FAHD2B: variants seen among roughly 807,000 people sequenced by gnomAD.
The protein encoded by FAHD2B is oxaloacetate tautomerase FAHD2B, mitochondrial.
A neutral mutation model predicts 33.7 loss-of-function variants in FAHD2B; 26 were observed. The observed-to-expected ratio is 0.77, with a 90% confidence interval of 0.57 to 1.07. The LOEUF is 1.07. Ranked by LOEUF, FAHD2B falls within the 50% of genes least tolerant of loss-of-function variation. The pLI is 0.00. For synonymous variants in FAHD2B, 108 were observed against 150.9 expected, an observed-to-expected ratio of 0.72 and a Z score of 2.08; for missense variants, 272 against 388.1, an observed-to-expected ratio of 0.70 and a Z score of 2.51.
Position 97,091,857 on chromosome 2 carries a change from T to C in FAHD2B, c.-7+6A>G. 8.2e-7 allele frequency: 1 copy of C among 1,214,372 alleles called. No individual in the cohort carries two copies. The highest frequency in any genetic ancestry group is 2.5e-5 in the East Asian group (1 of 40,478). 75.2% of individuals were successfully genotyped at this position (1,214,372 alleles called of 1,614,324 possible). ...ACACGGGAAGCGGTCCAGGCTTGTA[T>C]TTTACCTGCTATACTTCATAAGGTG... is the stretch of plus-strand genomic sequence containing the variant. On this transcript the variant is annotated splice_donor_region_variant and intron_variant, in intron 2 of 8. Coordinates refer to ENST00000414820, the MANE Select transcript of FAHD2B (RefSeq NM_001320848.2).
At chr2:97,079,459 A>G (rs537511992), downstream of FAHD2B, among the ~76,000 whole-genome samples, 1 of 152,018 alleles carries the variant, frequency 6.6e-6, no homozygotes, top group East Asian at 1.9e-4. Flanking sequence ...TTTAATAATC[A>G]CCATTCTGAC....
At chr2:97,083,485 ATGTG>A (rs201541688), downstream of FAHD2B, 6,677 of 984,176 alleles carry the variant, frequency 6.8e-3, 316 homozygotes, top group East Asian at 0.12. Flanking sequence ...TTTTTGGCGT[ATGTG>A]TGTGTATTTG....
At position 97,083,977 on chromosome 2, in the gene FAHD2B, C is replaced by T; in HGVS notation, c.853G>A (p.Val285Ile). The change falls in exon 8 of 9, where the codon GTA becomes ATA. Residue 285 changes from valine (V) to isoleucine (I), a missense_variant. Transcript: ENST00000414820. ...AGAAAGACAGGAGGTTTCCTGAATA[C>T]ACCGACACCTGGGGGGGTCCCAGTT... is the stretch of plus-strand genomic sequence containing the variant. ...ILTGTPPGVG[V>I]FRKPPVFLKK... 1 of 1,613,844 alleles carries T rather than the reference C, an allele frequency of 6.2e-7. No homozygotes were observed. Among genetic ancestry groups the T allele is most frequent in the Non-Finnish European group, 8.5e-7 (1 of 1,179,968 alleles).
chr2:97,078,937 C>T (rs1030061051), downstream of FAHD2B, among the ~76,000 whole-genome samples: 14 of 151,886 alleles, frequency 9.2e-5, no homozygotes, highest in Non-Finnish European at 1.6e-4. Context: ...CTGGTAGGCC[C>T]CAGTGTGCAT....
chr2:97,081,195 C>T (rs367829946), downstream of FAHD2B: 947 of 1,489,680 alleles, frequency 6.4e-4, 10 homozygotes, highest in East Asian at 0.014. Context: ...ATGAGCTGTA[C>T]CGCCAGATCC....
chr2:97,079,947 G>A (rs1262553632), downstream of FAHD2B, among the ~76,000 whole-genome samples: 4 of 152,052 alleles, frequency 2.6e-5, no homozygotes, highest in Non-Finnish European at 2.9e-5. Context: ...TTACAGGTGT[G>A]AGCCACCATG....
Position 97,084,152 on chromosome 2 carries a change from C to G in FAHD2B, c.794+17G>C, listed in dbSNP as rs762162971. 72 of 1,613,542 alleles carry G rather than the reference C, an allele frequency of 4.5e-5. 1 individual carries two copies. In the East Asian group the frequency reaches 1.6e-3, roughly 36 times the overall value. On this transcript the variant is annotated intron_variant, in intron 7 of 8. Transcript: ENST00000414820. The stretch of plus-strand genomic sequence containing the variant: ...GGCAGGTGGAGCGGGGCTGGCAGGA[C>G]AGCCCTTGTCACTCACTGGGAGACC...
downstream of FAHD2B, chr2:97,082,357 G>A: frequency 1.9e-6 from 3 of 1,611,358 alleles, no homozygotes; most frequent in Non-Finnish European, 2.5e-6. Context: ...GGCAGGCTGT[G>A]TCTGTGCTGG....
downstream of FAHD2B, chr2:97,082,568 G>A (rs1272889492): frequency 2.5e-6 from 4 of 1,582,084 alleles, no homozygotes; most frequent in Non-Finnish European, 8.6e-7. Flanking sequence ...AAGGTGGGCT[G>A]CAGAGTACAG....
Position 97,085,870 on chromosome 2 carries a change from G to A in FAHD2B, c.523-9C>T, listed in dbSNP as rs1420664193. 20 of 1,613,692 alleles carry A rather than the reference G, an allele frequency of 1.2e-5. No individual in the cohort carries two copies. Among genetic ancestry groups the A allele is most frequent in the Non-Finnish European group, 1.7e-5 (20 of 1,179,828 alleles). On this transcript the variant is annotated splice_polypyrimidine_tract_variant and intron_variant, in intron 5 of 8. Transcript: ENST00000414820. ...GCCATGGCATCTGTGGCCTATGGGG[G>A]CAGGGGATTTGGCCATACAGGAGGT...
intron 4 of FAHD2B, 169 bp downstream of exon 4, chr2:97,089,940 C>A: frequency 1.6e-6 from 1 of 613,718 alleles, no homozygotes; most frequent in Middle Eastern, 4.5e-4. Flanking sequence ...AAAACACGTA[C>A]ATTAACTTTT....
At chr2:97,081,099 A>G, downstream of FAHD2B, 5 of 1,510,506 alleles carry the variant, frequency 3.3e-6, no homozygotes, top group Admixed American at 2.3e-5. Flanking sequence ...CTCCGCCCCC[A>G]GCCTGTGCAG....
In FAHD2B at chr2:97,083,594, C is replaced by G; in HGVS notation, c.*161G>C. The G allele has an allele frequency of 8.1e-7, 1 of 1,231,358 alleles. No homozygotes were observed. The highest frequency in any genetic ancestry group is 1.5e-5 in the African/African-American group (1 of 66,344). The allele number at this position is 1,231,358 out of a possible 1,614,324, so 76.3% of individuals were successfully genotyped here. On this transcript the variant is annotated 3_prime_UTR_variant, in exon 9 of 9. Transcript: ENST00000414820. Reference sequence around the variant, plus strand: ...AGCACAAGCCAAGCTGCTGCTTTGACCCGACGCATTTATTGAAGAGAGCTC... The same window carrying G: ...AGCACAAGCCAAGCTGCTGCTTTGAGCCGACGCATTTATTGAAGAGAGCTC...
downstream of FAHD2B, among the ~76,000 whole-genome samples, chr2:97,080,743 A>T (rs1308970702): frequency 6.6e-6 from 1 of 151,796 alleles, no homozygotes; most frequent in East Asian, 1.9e-4. Flanking sequence ...TTCCATTTGT[A>T]TCCTCTCTGA....
chr2:97,078,890 A>G (rs1157161027), downstream of FAHD2B, among the ~76,000 whole-genome samples: 1 of 151,776 alleles, frequency 6.6e-6, no homozygotes, highest in African/African-American at 2.4e-5. Context: ...TCCATTAGTT[A>G]TTTTTCCTGA....
At chr2:97,083,108 G>C, downstream of FAHD2B, 1 of 1,527,952 alleles carries the variant, frequency 6.5e-7, no homozygotes, top group Non-Finnish European at 8.8e-7. Context: ...AGTCCCTGTG[G>C]TGAGCGCACT....
chr2:97,093,471 C>CTTTT (rs34927915), intron 1 of FAHD2B, among the ~76,000 whole-genome samples: 14 of 92,096 alleles, frequency 1.5e-4, no homozygotes, highest in South Asian at 5.9e-4. Context: ...TGATTTAATT[C>CTTTT]TTTTTTTTTT....
At chr2:97,094,158 T>C (rs952240929) in intron 1 of FAHD2B, among the ~76,000 whole-genome samples, 20 of 152,124 alleles carry the variant, frequency 1.3e-4, no homozygotes, top group Non-Finnish European at 2.8e-4. Context: ...ACAGGCGCTC[T>C]CTGGCTATTG....
chr2:97,091,851 CT>C lies in FAHD2B; in HGVS notation c.-7+11del, dbSNP rs2032367501. 1 of 1,312,738 alleles carries C rather than the reference CT, an allele frequency of 7.6e-7. No individual in the cohort carries two copies. The highest frequency in any genetic ancestry group is 1.0e-6 in the Non-Finnish European group (1 of 969,330). 81.3% of individuals were successfully genotyped at this position (1,312,738 alleles called of 1,614,324 possible). A position where few individuals can be genotyped will look rare whatever the true frequency, so the allele number is the denominator to read the frequency against. On this transcript the variant is annotated intron_variant, in intron 2 of 8. Transcript: ENST00000414820. ...CATACCACACGGGAAGCGGTCCAGG[CT>C]TGTATTTTACCTGCTATACTTCATA... is the stretch of plus-strand genomic sequence containing the variant.
Sources: gnomAD v4.1 joint callset for allele counts (sites outside exome capture counted in the v4.1 genomes callset) on GRCh38, gnomAD v4.1.1 for gene constraint, MANE v1.5 for transcripts, NCBI Gene and HGNC (gene_info 2026-07-23, HGNC 2026-07-21) for gene names.